The following NEO1 variants were observed in gnomAD, a reference collection of about 807,000 sequenced individuals.
NEO1 encodes neogenin 1, also known as neogenin.
A neutral mutation model predicts 159.7 loss-of-function variants in NEO1; 63 were observed. That is an observed-to-expected ratio of 0.39 (90% CI 0.32 to 0.49). The LOEUF (loss-of-function observed/expected upper bound fraction) is 0.49. Ranked by LOEUF, NEO1 falls within the 20% of genes least tolerant of loss-of-function variation. The probability of loss-of-function intolerance (pLI) is 0.85; values close to 1 mark genes in which losing one functional copy is unlikely to be tolerated. For synonymous variants in NEO1, 633 were observed against 662.0 expected (o/e 0.96, Z 0.67); for missense variants, 1,615 against 1,831.0 (o/e 0.88, Z 2.15).
At chr15:73,210,587 A>C (rs2037503313) in intron 7 of NEO1, among the ~76,000 whole-genome samples, 1 of 152,228 alleles carries the variant, frequency 6.6e-6, no homozygotes, top group African/African-American at 2.4e-5. Context: ...AACTTCTACA[A>C]ATTAGAGCAA....
chr15:73,152,960 C>T (rs1028289444), intron 5 of NEO1, among the ~76,000 whole-genome samples: 2 of 152,040 alleles, frequency 1.3e-5, no homozygotes, highest in Non-Finnish European at 2.9e-5. Flanking sequence ...TATTGGTTCA[C>T]GTGATTATGG....
At chr15:73,068,059 T>G (rs2068314243) in intron 1 of NEO1, among the ~76,000 whole-genome samples, 1 of 152,166 alleles carries the variant, frequency 6.6e-6, no homozygotes, top group Non-Finnish European at 1.5e-5. Flanking sequence ...ATGATCTACA[T>G]TCCTATATCA....
At chr15:73,056,559 G>A (rs1338119008) in intron 1 of NEO1, among the ~76,000 whole-genome samples, 1 of 152,144 alleles carries the variant, frequency 6.6e-6, no homozygotes, top group African/African-American at 2.4e-5. Context: ...ATGTTGAATT[G>A]CCTTTGTTTT....
chr15:73,125,274 A>G (rs1354181248), intron 3 of NEO1, among the ~76,000 whole-genome samples: 1 of 152,218 alleles, frequency 6.6e-6, no homozygotes, highest in Admixed American at 6.5e-5. Flanking sequence ...TAAGAGACAG[A>G]GGTGGATTAA....
intron 2 of NEO1, among the ~76,000 whole-genome samples, chr15:73,118,830 A>G (rs2071466018): frequency 6.6e-6 from 1 of 152,222 alleles, no homozygotes; most frequent in East Asian, 1.9e-4. Flanking sequence ...TACATTGTCT[A>G]GATATACATA....
At chr15:73,100,548 T>C (rs979230371) in intron 1 of NEO1, among the ~76,000 whole-genome samples, 3 of 152,146 alleles carry the variant, frequency 2.0e-5, no homozygotes, top group African/African-American at 7.2e-5. Flanking sequence ...TTGGCCAGGC[T>C]GGTCTTGAAC....
intron 5 of NEO1, among the ~76,000 whole-genome samples, chr15:73,175,464 G>T (rs914139204): frequency 6.6e-6 from 1 of 152,186 alleles, no homozygotes; most frequent in Non-Finnish European, 1.5e-5. Context: ...TGTGTTCAGG[G>T]AAAAGAAGAC....
intron 1 of NEO1, 26 bp from the exon 2 acceptor site, chr15:73,116,514 T>G: frequency 6.7e-7 from 1 of 1,496,714 alleles, no homozygotes; most frequent in Non-Finnish European, 8.9e-7. Context: ...TTTGCTTAAC[T>G]TTGTTCTTTT....
At chr15:73,196,648 A>G (rs916353931) in intron 7 of NEO1, among the ~76,000 whole-genome samples, 1 of 152,218 alleles carries the variant, frequency 6.6e-6, no homozygotes, top group Non-Finnish European at 1.5e-5. Flanking sequence ...CAGGTATTAG[A>G]GTAGCTTTGA....
intron 5 of NEO1, among the ~76,000 whole-genome samples, chr15:73,149,468 A>G (rs1033864214): frequency 1.3e-5 from 2 of 152,210 alleles, no homozygotes; most frequent in African/African-American, 4.8e-5. Flanking sequence ...TCTCATCTTC[A>G]AGGATACAGT....
At chr15:73,238,100 T>C (rs2039285103) in intron 8 of NEO1, among the ~76,000 whole-genome samples, 1 of 152,100 alleles carries the variant, frequency 6.6e-6, no homozygotes, top group Non-Finnish European at 1.5e-5. Flanking sequence ...TTTGCAAACC[T>C]AATGACATGA....
chr15:73,077,612 T>C (rs1219345752), intron 1 of NEO1, among the ~76,000 whole-genome samples: 1 of 152,228 alleles, frequency 6.6e-6, no homozygotes, highest in African/African-American at 2.4e-5. Context: ...TAGCAAAAAC[T>C]AATTATGATT....
At chr15:73,278,294 G>C in intron 22 of NEO1, 95 bp downstream of exon 22, 1 of 1,081,764 alleles carries the variant, frequency 9.2e-7, no homozygotes, top group South Asian at 1.5e-5. Context: ...TGTGTGGTGG[G>C]TTGTAGCATA....
At chr15:73,091,596 T>G (rs1309286562) in intron 1 of NEO1, among the ~76,000 whole-genome samples, 1 of 152,142 alleles carries the variant, frequency 6.6e-6, no homozygotes, top group Non-Finnish European at 1.5e-5. Flanking sequence ...AGGGTCTCAC[T>G]CTGTGTCCCA....
At chr15:73,271,219 A>G (rs1287689010) in intron 18 of NEO1, among the ~76,000 whole-genome samples, 1 of 152,236 alleles carries the variant, frequency 6.6e-6, no homozygotes, top group Non-Finnish European at 1.5e-5. Context: ...CAAAGTTTAA[A>G]TAGACCTTGA....
chr15:73,232,931 G>T (rs2038987916), intron 7 of NEO1, among the ~76,000 whole-genome samples: 2 of 152,206 alleles, frequency 1.3e-5, no homozygotes, highest in Admixed American at 1.3e-4. Flanking sequence ...CACTGTTTGT[G>T]TGTGAAGTCT....
chr15:73,109,761 G>A (rs1008234960), intron 1 of NEO1, among the ~76,000 whole-genome samples: 2 of 152,064 alleles, frequency 1.3e-5, no homozygotes, highest in Admixed American at 1.3e-4. Flanking sequence ...GTTGTATGCC[G>A]TGAAGTTTTA....
intron 9 of NEO1, among the ~76,000 whole-genome samples, chr15:73,245,431 G>A (rs2039737700): frequency 6.6e-6 from 1 of 152,128 alleles, no homozygotes; most frequent in African/African-American, 2.4e-5. Context: ...TTATAAATGT[G>A]TTGTATATCT....
chr15:73,054,601 C>T lies in NEO1; in HGVS notation c.130+1796C>T, dbSNP rs1029531303. ...AACCTAGTCTGGGTGTTAAGAGTGT[C>T]TCACAAGAACTGAGATCTGAGGAGT... On this transcript the variant is annotated intron_variant, in intron 1 of 28. Coordinates refer to ENST00000261908, the MANE Select transcript of NEO1 (RefSeq NM_002499.4). Among the ~76,000 whole-genome samples the T allele has an allele frequency of 3.3e-5, 5 of 152,260 alleles. No homozygotes were observed. The South Asian group carries it at 1.0e-3, about 32-fold the overall frequency.
Sources: allele counts gnomAD v4.1 joint callset (sites outside exome capture counted in the v4.1 genomes callset), GRCh38; gene constraint gnomAD v4.1.1; transcripts MANE v1.5; gene names NCBI Gene and HGNC (gene_info 2026-07-23, HGNC 2026-07-21).